NREP: variants seen among roughly 807,000 people sequenced by gnomAD.
NREP encodes neuronal regeneration-related protein.
In NREP, 5 loss-of-function variants were observed where a neutral mutation model predicts 8.6. The ratio of observed to expected loss-of-function variants is 0.58; its 90% CI spans 0.30 to 1.22. The LOEUF (loss-of-function observed/expected upper bound fraction) is 1.22. Among genes scored for constraint, NREP ranks in the 50% most tolerant of loss-of-function variants. The pLI is 0.07. For synonymous variants in NREP, 27 were observed against 28.0 expected, an observed-to-expected ratio of 0.96 and a Z score of 0.11; for missense variants, 86 against 82.5, an observed-to-expected ratio of 1.04 and a Z score of -0.17.
At chr5:111,839,378 G>T (rs80156132) in intron 2 of NREP, among the ~76,000 whole-genome samples, 1 of 151,944 alleles carries the variant, frequency 6.6e-6, no homozygotes, top group African/African-American at 2.4e-5. Flanking sequence ...TTTCCCATTC[G>T]GCCCATGTCT....
chr5:111,967,817 C>T (rs1756688321), intron 2 of NREP, among the ~76,000 whole-genome samples: 1 of 152,078 alleles, frequency 6.6e-6, no homozygotes, highest in Non-Finnish European at 1.5e-5. Flanking sequence ...AGATCTTTTT[C>T]CCTCTCTTTC....
At chr5:111,961,090 T>C (rs1391079479) in intron 2 of NREP, among the ~76,000 whole-genome samples, 1 of 152,242 alleles carries the variant, frequency 6.6e-6, no homozygotes, top group East Asian at 1.9e-4. Flanking sequence ...ATCTTAACCC[T>C]TCCCACTTTG....
intron 2 of NREP, among the ~76,000 whole-genome samples, chr5:111,798,427 T>A (rs533671465): frequency 6.6e-6 from 1 of 152,230 alleles, no homozygotes; most frequent in East Asian, 1.9e-4. Context: ...TTACATAAGT[T>A]CTTTAGTGGT....
At chr5:111,801,273 G>A (rs1253167130) in intron 2 of NREP, among the ~76,000 whole-genome samples, 2 of 152,206 alleles carry the variant, frequency 1.3e-5, no homozygotes, top group Non-Finnish European at 2.9e-5. Flanking sequence ...AAGCCTCTAA[G>A]TTGTATTTAC....
intron 2 of NREP, among the ~76,000 whole-genome samples, chr5:111,787,770 T>C (rs1278917266): frequency 6.6e-6 from 1 of 152,206 alleles, no homozygotes; most frequent in African/African-American, 2.4e-5. Context: ...TGATCTGATA[T>C]TGGTAAAGCT....
chr5:111,879,863 T>C lies in NREP; in HGVS notation c.135+95411A>G, dbSNP rs577262655. ...AGAAAAAAAGACAGTGCAAGTGCTC[T>C]GGCATCTTTTCTTGTAAGGGAACCA... On this transcript the variant is annotated intron_variant, in intron 2 of 3. Coordinates refer to the NREP transcript ENST00000395634. 3.9e-5 allele frequency among the ~76,000 whole-genome samples: 6 copies of C among 152,312 alleles called. 1 individual carries two copies. The South Asian group carries it at 1.2e-3, about 32-fold the overall frequency.
chr5:111,874,123 G>A (rs968015499), intron 2 of NREP, among the ~76,000 whole-genome samples: 4 of 152,028 alleles, frequency 2.6e-5, no homozygotes, highest in Admixed American at 1.3e-4. Context: ...GTTCTCTGCA[G>A]GGTTCATTGG....
At chr5:111,748,989 T>C (rs1474645914) in intron 2 of NREP, among the ~76,000 whole-genome samples, 2 of 152,146 alleles carry the variant, frequency 1.3e-5, no homozygotes, top group Non-Finnish European at 2.9e-5. Flanking sequence ...CCATTCAAAT[T>C]CAGTCTTGAA....
chr5:111,847,452 T>A (rs1581162970), intron 2 of NREP, among the ~76,000 whole-genome samples: 1 of 152,314 alleles, frequency 6.6e-6, no homozygotes, highest in East Asian at 1.9e-4. Flanking sequence ...GGGGTTAGTG[T>A]TTCAACATAT....
intron 2 of NREP, among the ~76,000 whole-genome samples, chr5:111,819,837 G>A (rs1752476436): frequency 1.3e-5 from 2 of 152,110 alleles, no homozygotes; most frequent in South Asian, 4.1e-4. Flanking sequence ...TTGCACTTAG[G>A]AATACTTGAC....
chr5:111,809,202 A>C (rs1477752603), intron 2 of NREP, among the ~76,000 whole-genome samples: 1 of 152,184 alleles, frequency 6.6e-6, no homozygotes, highest in Non-Finnish European at 1.5e-5. Flanking sequence ...TCCACTCAAA[A>C]TAGGCCAGTT....
chr5:111,838,760 A>G (rs1752956139), intron 2 of NREP, among the ~76,000 whole-genome samples: 1 of 152,074 alleles, frequency 6.6e-6, no homozygotes, highest in Non-Finnish European at 1.5e-5. Flanking sequence ...AGACATACAT[A>G]TAATGATATA....
intron 2 of NREP, among the ~76,000 whole-genome samples, chr5:111,748,454 T>C (rs992402419): frequency 6.6e-6 from 1 of 152,142 alleles, no homozygotes; most frequent in Non-Finnish European, 1.5e-5. Flanking sequence ...CAGATTGTCA[T>C]GTATCCATGA....
Position 111,918,457 on chromosome 5 carries a change from A to T in NREP, c.135+56817T>A, listed in dbSNP as rs186014994. ...CATCATGCTACCTGACTTCAAACTA[A>T]CTATACTACATGGCTACAGTAACCA... On this transcript the variant is annotated intron_variant, in intron 2 of 3. Coordinates refer to the NREP transcript ENST00000395634. 1.8e-3 allele frequency among the ~76,000 whole-genome samples: 274 copies of T among 152,184 alleles called. 2 individuals carry two copies. The highest frequency in any genetic ancestry group is 0.012 in the East Asian group (60 of 5,182).
intron 2 of NREP, among the ~76,000 whole-genome samples, chr5:111,752,709 T>A (rs988485723): frequency 6.6e-6 from 1 of 152,204 alleles, no homozygotes; most frequent in Non-Finnish European, 1.5e-5. Flanking sequence ...ACTTATATTG[T>A]TCCAATTCCT....
intron 2 of NREP, among the ~76,000 whole-genome samples, chr5:111,927,881 G>C (rs993806727): frequency 1.3e-5 from 2 of 152,090 alleles, no homozygotes; most frequent in African/African-American, 4.8e-5. Context: ...CCTCAACCTT[G>C]GCAATACAAA....
At chr5:111,944,293 C>T (rs958926412) in intron 2 of NREP, among the ~76,000 whole-genome samples, 26 of 152,026 alleles carry the variant, frequency 1.7e-4, no homozygotes, top group African/African-American at 6.3e-4. Context: ...TTTTCTCATT[C>T]CTCTTTGTTC....
intron 2 of NREP, among the ~76,000 whole-genome samples, chr5:111,923,149 G>A (rs986772510): frequency 1.3e-5 from 2 of 152,144 alleles, no homozygotes; most frequent in Non-Finnish European, 2.9e-5. Context: ...ATTTGGAGTT[G>A]GTATAAATGT....
chr5:111,899,788 C>T (rs1754599564), intron 2 of NREP, among the ~76,000 whole-genome samples: 1 of 151,846 alleles, frequency 6.6e-6, no homozygotes, highest in Non-Finnish European at 1.5e-5. Context: ...ATATATGCAC[C>T]CAACACTAGA....
Sources: gnomAD v4.1 joint callset for allele counts (sites outside exome capture counted in the v4.1 genomes callset) on GRCh38, gnomAD v4.1.1 for gene constraint, MANE v1.5 for transcripts, NCBI Gene and HGNC (gene_info 2026-07-23, HGNC 2026-07-21) for gene names.